CPSF4: variants seen among roughly 807,000 people sequenced by gnomAD.
The protein encoded by CPSF4 is cleavage and polyadenylation specific factor 4.
CPSF4 carries 11 observed loss-of-function variants against 37.7 expected under a neutral mutation model. That is an observed-to-expected ratio of 0.29 (90% confidence interval 0.18 to 0.48). CPSF4 has a LOEUF of 0.48. CPSF4 is among the 20% of genes least tolerant of loss of function. CPSF4 has a pLI of 0.99. For missense variants in CPSF4, 144 were observed against 359.5 expected (o/e 0.40, Z 4.85); for synonymous variants, 132 against 135.9 (o/e 0.97, Z 0.20).
chr7:99,447,393 C>T (rs1239785393), intron 2 of CPSF4, among the ~76,000 whole-genome samples: 1 of 151,314 alleles, frequency 6.6e-6, no homozygotes, highest in Non-Finnish European at 1.5e-5. Context: ...CTCAGCCTCC[C>T]AAGTAGCTGG....
rs1214545185 is a variant in CPSF4 at position 99,442,403 on chromosome 7, T to A, written c.104-2386T>A. Among the ~76,000 whole-genome samples, 5 of 151,826 alleles carry A rather than the reference T, an allele frequency of 3.3e-5. No individual in the cohort carries two copies. In the East Asian group the frequency reaches 5.8e-4, roughly 18 times the overall value. Reference sequence around the variant, plus strand: ...CGGGCGTTGTGGCTCACACCTGTAATCCCAGCACTTTGGGAGGCCGAGGCG... The same window carrying A: ...CGGGCGTTGTGGCTCACACCTGTAAACCCAGCACTTTGGGAGGCCGAGGCG... On this transcript the variant is annotated intron_variant, in intron 1 of 7. Coordinates refer to ENST00000292476, the MANE Select transcript of CPSF4 (RefSeq NM_006693.4).
rs192116689 is a variant in CPSF4, at chr7:99,441,939, G to A, written c.103+2754G>A. Reference sequence around the variant, plus strand: ...ACTCCTGATGTCAAGTGATCCACCCGCCTCAGCCTCCCAAAGTGCTAGGAT... The same window carrying A: ...ACTCCTGATGTCAAGTGATCCACCCACCTCAGCCTCCCAAAGTGCTAGGAT... On this transcript the variant is annotated intron_variant, in intron 1 of 7. Transcript: ENST00000292476. 3.9e-5 allele frequency among the ~76,000 whole-genome samples: 6 copies of A among 152,198 alleles called. No individual in the cohort carries two copies. The East Asian group carries it at 1.2e-3, about 29-fold the overall frequency.
rs779340033 is a variant in CPSF4 at position 99,454,025 on chromosome 7, C to T, written c.630C>T (p.Asn210=). 1 of 1,614,200 alleles carries T rather than the reference C, an allele frequency of 6.2e-7. No homozygotes were observed. The highest frequency in any genetic ancestry group is 1.7e-5 in the Admixed American group (1 of 60,028). Residue 210 remains asparagine, a synonymous_variant, in exon 7 of 8, where the codon AAC becomes AAT. Transcript: ENST00000292476. ...SSSLIQLTSQ[N]SSPNQQRTPQ... ...CCTTGATCCAGTTAACGAGTCAGAA[C>T]TCTTCTCCCAATCAGCAGAGAACCC...
chr7:99,442,484 G>A (rs1026587351), intron 1 of CPSF4, among the ~76,000 whole-genome samples: 10 of 151,394 alleles, frequency 6.6e-5, no homozygotes, highest in African/African-American at 1.5e-4. Context: ...GTGAAACCCC[G>A]TCTCTACTAA....
chr7:99,444,578 T>G (rs1240799532), intron 1 of CPSF4, among the ~76,000 whole-genome samples: 2 of 152,208 alleles, frequency 1.3e-5, no homozygotes, highest in Non-Finnish European at 2.9e-5. Context: ...ATGACTGTTC[T>G]CAATGTATGT....
At position 99,440,204 on chromosome 7, in the gene CPSF4, C is replaced by T. The variant is rs571468698; in HGVS notation, c.103+1019C>T. Reference sequence around the variant, plus strand: ...ACAATCACTCAGTGCATAGCAGAGGCGGGCAAGCTCTCCAGTGTTGTGTGC... The same window carrying T: ...ACAATCACTCAGTGCATAGCAGAGGTGGGCAAGCTCTCCAGTGTTGTGTGC... On this transcript the variant is annotated intron_variant, in intron 1 of 7. Coordinates refer to ENST00000292476, the MANE Select transcript of CPSF4 (RefSeq NM_006693.4). Among the ~76,000 whole-genome samples the T allele has an allele frequency of 2.0e-5, 3 of 152,096 alleles. No individual in the cohort carries two copies. The East Asian group carries it at 5.8e-4, about 29-fold the overall frequency.
Position 99,443,561 on chromosome 7 carries a change from C to T in CPSF4, c.104-1228C>T, listed in dbSNP as rs1454581010. 3 of 584,862 alleles carry T rather than the reference C, an allele frequency of 5.1e-6. No individual in the cohort carries two copies. In the East Asian group the frequency reaches 8.9e-5, roughly 17 times the overall value. The allele number at this position is 584,862 out of a possible 1,614,324, so 36.2% of individuals were successfully genotyped here. The stretch of plus-strand genomic sequence containing the variant: ...GTGGGGTGGGGTGCGGTGGCTCAAT[C>T]CTAGCACTTTGGGAAGCCAAGGCAG... On this transcript the variant is annotated intron_variant, in intron 1 of 7. Coordinates refer to ENST00000292476, the MANE Select transcript of CPSF4 (RefSeq NM_006693.4).
At position 99,438,988 on chromosome 7, in the gene CPSF4, G is replaced by A; in HGVS notation, c.-95G>A. The A allele has an allele frequency of 7.3e-7, 1 of 1,368,996 alleles. No individual in the cohort carries two copies. The highest frequency in any genetic ancestry group is 9.6e-7 in the Non-Finnish European group (1 of 1,046,082). 84.8% of individuals were successfully genotyped at this position (1,368,996 alleles called of 1,614,324 possible). ...GGCGGCGGCGGCGAGGCGAAGCGAA[G>A]GAGGAGTGTGTGCGGCGGGGCCGGC... On this transcript the variant is annotated 5_prime_UTR_variant, in exon 1 of 8. Coordinates refer to ENST00000292476, the MANE Select transcript of CPSF4 (RefSeq NM_006693.4).
rs947459168 is a variant in CPSF4 at position 99,448,460 on chromosome 7, T to C, written c.307+187T>C. ...AGTGTGGCTATTTTCTGCTCATCTC[T>C]TTTTTTTTTTTTTTTTTTTTAAAGA... is the stretch of plus-strand genomic sequence containing the variant. On this transcript the variant is annotated intron_variant, in intron 3 of 7. Coordinates refer to ENST00000292476, the MANE Select transcript of CPSF4 (RefSeq NM_006693.4). This position sits in a 1 kb window ranked among gnomAD's most constrained non-coding sequence, Gnocchi z 4.4. The C allele has an allele frequency of 6.5e-5, 8 of 123,648 alleles. No homozygotes were observed. Among genetic ancestry groups the C allele is most frequent in the Non-Finnish European group, 1.1e-4 (7 of 63,572 alleles). The allele number at this position is 123,648 out of a possible 1,614,324, so 7.7% of individuals were successfully genotyped here.
intron 2 of CPSF4, among the ~76,000 whole-genome samples, chr7:99,447,428 C>T (rs756453938): frequency 1.0e-4 from 15 of 150,592 alleles, no homozygotes; most frequent in Non-Finnish European, 7.4e-5. Context: ...ACCCGCAAGC[C>T]GGGCTAATTT....
At position 99,442,893 on chromosome 7, in the gene CPSF4, C is replaced by T. The variant is rs778009079; in HGVS notation, c.104-1896C>T. The T allele has an allele frequency of 1.0e-5, 13 of 1,284,790 alleles. No homozygotes were observed. In the South Asian group the frequency reaches 1.5e-4, roughly 15 times the overall value. 79.6% of individuals were successfully genotyped at this position (1,284,790 alleles called of 1,614,324 possible). A position where few individuals can be genotyped will look rare whatever the true frequency, so the allele number is the denominator to read the frequency against. On this transcript the variant is annotated intron_variant, in intron 1 of 7. Coordinates refer to ENST00000292476, the MANE Select transcript of CPSF4 (RefSeq NM_006693.4). ...ATCAAGAACCTTTCATCAGGCAATG[C>T]CAAAGCGCTCTGCTCTTTTCCTCTT... is the stretch of plus-strand genomic sequence containing the variant.
intron 3 of CPSF4, 82 bp from the exon 4 acceptor site, chr7:99,450,194 C>G: frequency 9.3e-7 from 1 of 1,080,488 alleles, no homozygotes; most frequent in Non-Finnish European, 1.4e-6. Flanking sequence ...AACTGGACAC[C>G]AGAACCTCTT....
Position 99,452,655 on chromosome 7 carries a change from A to G in CPSF4, c.570+215A>G, listed in dbSNP as rs2082036826. 11 of 562,070 alleles carry G rather than the reference A, an allele frequency of 2.0e-5. 1 individual carries two copies. Among genetic ancestry groups the G allele is most frequent in the South Asian group, 1.8e-4 (9 of 49,586 alleles). The allele number at this position is 562,070 out of a possible 1,614,324, so 34.8% of individuals were successfully genotyped here. A position where few individuals can be genotyped will look rare whatever the true frequency, so the allele number is the denominator to read the frequency against. ...TTGCCCTAGAACCTCAGCAAGGCCA[A>G]GCGCAGCAGCAGACACAGTCCAGGC... On this transcript the variant is annotated intron_variant, in intron 6 of 7. Transcript: ENST00000292476.
At chr7:99,446,975 G>C (rs71567551) in intron 2 of CPSF4, among the ~76,000 whole-genome samples, 2 of 151,036 alleles carry the variant, frequency 1.3e-5, no homozygotes, top group Non-Finnish European at 2.9e-5. Flanking sequence ...ATTTTTAGTA[G>C]AGACAGGGTT....
At position 99,444,487 on chromosome 7, in the gene CPSF4, G is replaced by A. The variant is rs562958701; in HGVS notation, c.104-302G>A. On this transcript the variant is annotated intron_variant, in intron 1 of 7. Coordinates refer to ENST00000292476, the MANE Select transcript of CPSF4 (RefSeq NM_006693.4). ...AAAAAAAAATTATTTCTGTGATCTC[G>A]TACTCCAGCCTTCCTTTCCCCACCC... is the stretch of plus-strand genomic sequence containing the variant. Among the ~76,000 whole-genome samples, 55 of 151,968 alleles carry A rather than the reference G, an allele frequency of 3.6e-4. No individual in the cohort carries two copies. The South Asian group carries it at 0.011, about 31-fold the overall frequency.
chr7:99,442,662 A>AAAC (rs1156407011), intron 1 of CPSF4, among the ~76,000 whole-genome samples: 9 of 150,962 alleles, frequency 6.0e-5, no homozygotes, highest in Admixed American at 4.6e-4. Flanking sequence ...TCTCAAAAAA[A>AAAC]AAAAAAAAAA....
At chr7:99,451,006 C>A in intron 5 of CPSF4, 1 of 552,866 alleles carries the variant, frequency 1.8e-6, no homozygotes. Context: ...AGGAGCTGAT[C>A]TTTCTTGGGT....
intron 7 of CPSF4, among the ~76,000 whole-genome samples, chr7:99,455,496 C>G (rs987482366): frequency 2.0e-5 from 3 of 152,162 alleles, no homozygotes; most frequent in Non-Finnish European, 1.5e-5. Context: ...GTCAGGAGTT[C>G]GAGACCATCC....
rs1182615797 is a variant in CPSF4 at position 99,456,687 on chromosome 7, A to G, written c.*187A>G. The G allele has an allele frequency of 4.4e-6, 3 of 678,874 alleles. No homozygotes were observed. The highest frequency in any genetic ancestry group is 8.1e-6 in the Non-Finnish European group (3 of 370,832). 42.1% of individuals were successfully genotyped at this position (678,874 alleles called of 1,614,324 possible). The stretch of plus-strand genomic sequence containing the variant: ...TGCCTTAGTATTTTTTGAAAAAGGG[A>G]CATGTGTCCTGTGGGTCCCTGCAGT... On this transcript the variant is annotated 3_prime_UTR_variant, in exon 8 of 8. Coordinates refer to ENST00000292476, the MANE Select transcript of CPSF4 (RefSeq NM_006693.4).
Sources: gnomAD v4.1 joint callset for allele counts (sites outside exome capture counted in the v4.1 genomes callset) on GRCh38, gnomAD v4.1.1 for gene constraint, Gnocchi (gnomAD v3.1) non-coding constraint, MANE v1.5 for transcripts, NCBI Gene and HGNC (gene_info 2026-07-23, HGNC 2026-07-21) for gene names.